RASAL2: variants seen among roughly 807,000 people sequenced by gnomAD.
RASAL2 encodes RAS protein activator like 2.
A neutral mutation model predicts 128.9 loss-of-function variants in RASAL2; 58 were observed. The ratio of observed to expected loss-of-function variants is 0.45; its 90% CI spans 0.36 to 0.56. RASAL2 has a LOEUF of 0.56. Among genes scored for constraint, RASAL2 ranks in the 20% least tolerant of loss-of-function variants. The pLI, the probability that RASAL2 is intolerant of heterozygous loss-of-function variation, is 0.00. For synonymous variants in RASAL2, 561 were observed against 580.8 expected, an observed-to-expected ratio of 0.97 and a Z score of 0.49; for missense variants, 1,360 against 1,601.6, an observed-to-expected ratio of 0.85 and a Z score of 2.57.
chr1:178,185,419 C>T (rs952379740), intron 1 of RASAL2, among the ~76,000 whole-genome samples: 5 of 151,846 alleles, frequency 3.3e-5, no homozygotes, highest in Non-Finnish European at 7.4e-5. Flanking sequence ...AGAAAGTGGC[C>T]AGTCTCTCAT....
chr1:178,270,277 T>G (rs566612284), intron 1 of RASAL2, among the ~76,000 whole-genome samples: 14 of 152,266 alleles, frequency 9.2e-5, no homozygotes, highest in African/African-American at 3.4e-4. Flanking sequence ...CTGAGAAATT[T>G]CACAAATGAT....
intron 1 of RASAL2, among the ~76,000 whole-genome samples, chr1:178,274,412 AC>A (rs947527690): frequency 1.3e-5 from 2 of 152,200 alleles, no homozygotes; most frequent in African/African-American, 4.8e-5. Flanking sequence ...AGGGAGAGAT[AC>A]TAAATATAAC....
At chr1:178,342,029 A>G (rs1669909927) in intron 3 of RASAL2, among the ~76,000 whole-genome samples, 1 of 152,246 alleles carries the variant, frequency 6.6e-6, no homozygotes, top group Non-Finnish European at 1.5e-5. Flanking sequence ...CAAGATATTA[A>G]CAGCCTTGCT....
chr1:178,119,687 A>G (rs1659645628), intron 1 of RASAL2, among the ~76,000 whole-genome samples: 1 of 152,154 alleles, frequency 6.6e-6, no homozygotes, highest in Non-Finnish European at 1.5e-5. Context: ...CATGTAACAT[A>G]TTTTCATGGA....
At chr1:178,194,686 A>C (rs1311870980) in intron 1 of RASAL2, 1 of 177,782 alleles carries the variant, frequency 5.6e-6, no homozygotes, top group Non-Finnish European at 1.2e-5. Context: ...TGGATTTACT[A>C]GCAGTCTATT....
rs573900127 is a variant in RASAL2, at chr1:178,218,579, C to G, written c.203-64985C>G. Reference sequence around the variant, plus strand: ...GCATACTCCTGTAATCCCAGCTACTCGAGAGGCTGAGGCAGGAGAATTGCA... The same window carrying G: ...GCATACTCCTGTAATCCCAGCTACTGGAGAGGCTGAGGCAGGAGAATTGCA... On this transcript the variant is annotated intron_variant, in intron 1 of 17. Coordinates refer to ENST00000367649, the MANE Select transcript of RASAL2 (RefSeq NM_170692.4). Among the ~76,000 whole-genome samples the G allele has an allele frequency of 4.7e-4, 72 of 152,204 alleles. 1 individual carries two copies. The highest frequency in any genetic ancestry group is 8.5e-4 in the Admixed American group (13 of 15,296).
At chr1:178,348,909 CCTG>C (rs1222360304) in intron 3 of RASAL2, among the ~76,000 whole-genome samples, 2 of 151,186 alleles carry the variant, frequency 1.3e-5, no homozygotes, top group African/African-American at 4.9e-5. Flanking sequence ...ATGCCATTCT[CCTG>C]CCTCAGCCTC....
At chr1:178,317,733 C>A (rs1668558104) in intron 3 of RASAL2, among the ~76,000 whole-genome samples, 1 of 147,842 alleles carries the variant, frequency 6.8e-6, no homozygotes, top group East Asian at 2.0e-4. Context: ...TTGATCCTTT[C>A]AAAAAACCAG....
intron 1 of RASAL2, among the ~76,000 whole-genome samples, chr1:178,104,925 A>C (rs767321660): frequency 1.3e-5 from 2 of 152,192 alleles, no homozygotes; most frequent in Non-Finnish European, 2.9e-5. Context: ...AGACCCTCCA[A>C]CTGAAATAAC....
At chr1:178,307,546 T>A (rs1668054052) in intron 3 of RASAL2, among the ~76,000 whole-genome samples, 1 of 152,166 alleles carries the variant, frequency 6.6e-6, no homozygotes, top group African/African-American at 2.4e-5. Context: ...GAACTAAAAT[T>A]AGTAAATAGT....
At position 178,228,444 on chromosome 1, in the gene RASAL2, G is replaced by T. The variant is rs372294733; in HGVS notation, c.203-55120G>T. On this transcript the variant is annotated intron_variant, in intron 1 of 17. Transcript: ENST00000367649. ...AAAATACAAAAAAAATTAGCCGGGT[G>T]TGGTGGCGGGTGCCTGTAACCCCAG... 1.9e-4 allele frequency among the ~76,000 whole-genome samples: 29 copies of T among 152,244 alleles called. 1 individual carries two copies. The East Asian group carries it at 5.4e-3, about 28-fold the overall frequency.
At chr1:178,128,508 CTG>C (rs747543586) in intron 1 of RASAL2, among the ~76,000 whole-genome samples, 20 of 152,096 alleles carry the variant, frequency 1.3e-4, no homozygotes, top group Non-Finnish European at 2.8e-4. Context: ...CAATAATACT[CTG>C]TACATCTTTT....
chr1:178,129,254 T>C (rs938012784), intron 1 of RASAL2, among the ~76,000 whole-genome samples: 8 of 152,170 alleles, frequency 5.3e-5, no homozygotes, highest in Non-Finnish European at 8.8e-5. Context: ...CACTTATTTT[T>C]CTGTTACTTT....
In RASAL2 at chr1:178,439,520, C is replaced by A. The variant is rs1256512133; in HGVS notation, c.773C>A (p.Pro258His). 1 of 1,612,884 alleles carries A rather than the reference C, an allele frequency of 6.2e-7. No homozygotes were observed. Residue 258 changes from proline (P) to histidine (H), a missense_variant, in exon 6 of 18, where the codon CCT (proline) becomes CAT (histidine). Pro to His is a moderately conservative substitution (Grantham distance 77, BLOSUM62 -2). Coordinates refer to ENST00000367649, the MANE Select transcript of RASAL2 (RefSeq NM_170692.4). ...VECLDLGRGE[P>H]VSVKPLHSSI... ...TGTCTGGATCTTGGTAGAGGGGAAC[C>A]TGTATCAGTGAAACCACTTCATAGT...
At chr1:178,462,437 T>G (rs1678267622) in intron 14 of RASAL2, among the ~76,000 whole-genome samples, 2 of 152,150 alleles carry the variant, frequency 1.3e-5, no homozygotes, top group Non-Finnish European at 2.9e-5. Flanking sequence ...ATTGACTAAT[T>G]GGAAAATAAG....
At chr1:178,111,855 G>A (rs544603042) in intron 1 of RASAL2, among the ~76,000 whole-genome samples, 4 of 152,066 alleles carry the variant, frequency 2.6e-5, no homozygotes, top group East Asian at 1.9e-4. Context: ...TCAGCCTCCC[G>A]AGTAGCTGGG....
chr1:178,318,739 C>G (rs1276761626), intron 3 of RASAL2, among the ~76,000 whole-genome samples: 15 of 152,214 alleles, frequency 9.9e-5, no homozygotes, highest in African/African-American at 3.1e-4. Flanking sequence ...GATCTTGACT[C>G]TTTATCCAAT....
intron 1 of RASAL2, among the ~76,000 whole-genome samples, chr1:178,271,144 C>T (rs1666233098): frequency 6.6e-6 from 1 of 152,194 alleles, no homozygotes; most frequent in Non-Finnish European, 1.5e-5. Flanking sequence ...TACTACCCCT[C>T]TTCTCCATTG....
intron 3 of RASAL2, among the ~76,000 whole-genome samples, chr1:178,355,254 A>G (rs922418441): frequency 4.6e-5 from 7 of 152,234 alleles, no homozygotes; most frequent in African/African-American, 1.4e-4. Flanking sequence ...AAACTATATT[A>G]ATTGAGACAA....
Sources: gnomAD v4.1 joint callset for allele counts (sites outside exome capture counted in the v4.1 genomes callset) on GRCh38, gnomAD v4.1.1 for gene constraint, MANE v1.5 for transcripts, NCBI Gene and HGNC (gene_info 2026-07-23, HGNC 2026-07-21) for gene names.